Variants in GULP1 observed in about 807,000 individuals in gnomAD.
GULP1 encodes GULP PTB domain containing engulfment adaptor 1.
GULP1 carries 19 observed loss-of-function variants against 40.9 expected under a neutral mutation model. The observed-to-expected ratio is 0.46, with a 90% CI of 0.32 to 0.68. GULP1 has a LOEUF of 0.68. Ranked by LOEUF, GULP1 falls within the 30% of genes least tolerant of loss-of-function variation. The pLI is 0.03. For missense variants in GULP1, 312 were observed against 362.2 expected (o/e 0.86, Z 1.12); for synonymous variants, 119 against 117.6 (o/e 1.01, Z -0.08).
At chr2:188,352,614 TCTCTCA>T (rs1475585885) in intron 1 of GULP1, among the ~76,000 whole-genome samples, 1 of 60,354 alleles carries the variant, frequency 1.7e-5, no homozygotes, top group Non-Finnish European at 2.8e-5. Flanking sequence ...TCTCTCTCTC[TCTCTCA>T]CACACACACA....
chr2:188,532,186 G>A (rs565616755), intron 6 of GULP1, among the ~76,000 whole-genome samples: 55 of 152,062 alleles, frequency 3.6e-4, no homozygotes, highest in African/African-American at 1.2e-3. Context: ...ATTTCACTAC[G>A]TTCATATACC....
At chr2:188,541,588 T>C in intron 7 of GULP1, 1 of 557,594 alleles carries the variant, frequency 1.8e-6, no homozygotes, top group Admixed American at 3.3e-5. Flanking sequence ...ATGTTATGCA[T>C]GTATTTTATA....
intron 7 of GULP1, among the ~76,000 whole-genome samples, chr2:188,545,108 C>T (rs1691550779): frequency 6.6e-6 from 1 of 151,652 alleles, no homozygotes; most frequent in Admixed American, 6.6e-5. Context: ...AAAACAAAAG[C>T]CTGTCAAATG....
chr2:188,325,751 A>G lies in GULP1; in HGVS notation c.-172+33585A>G, dbSNP rs146115050. ...GTAACTCTCATGGGGCTTGACTAGG[A>G]TAGAATCACTAGCCAACCTTCTTAC... On this transcript the variant is annotated intron_variant, in intron 1 of 11. Transcript: ENST00000409830. 5.9e-3 allele frequency among the ~76,000 whole-genome samples: 904 copies of G among 152,220 alleles called. 6 individuals carry two copies. The highest frequency in any genetic ancestry group is 0.02 in the African/African-American group (843 of 41,564).
intron 1 of GULP1, among the ~76,000 whole-genome samples, chr2:188,328,924 T>A (rs1306578970): frequency 1.3e-5 from 2 of 152,176 alleles, no homozygotes; most frequent in Non-Finnish European, 2.9e-5. Flanking sequence ...TTCCACTTTT[T>A]AGAAGTCAGA....
chr2:188,313,842 T>C (rs1450078236), intron 1 of GULP1, among the ~76,000 whole-genome samples: 1 of 152,062 alleles, frequency 6.6e-6, no homozygotes, highest in Non-Finnish European at 1.5e-5. Flanking sequence ...AATTGGTATT[T>C]TATTGAGAAT....
chr2:188,443,684 T>C (rs1210115171), intron 2 of GULP1, among the ~76,000 whole-genome samples: 1 of 149,830 alleles, frequency 6.7e-6, no homozygotes, highest in Non-Finnish European at 1.5e-5. Flanking sequence ...AAAATGAATT[T>C]CTTTTCTTTT....
intron 2 of GULP1, among the ~76,000 whole-genome samples, chr2:188,429,657 A>G (rs1056007142): frequency 4.6e-5 from 7 of 152,086 alleles, no homozygotes; most frequent in African/African-American, 1.7e-4. Flanking sequence ...TTTTTAAATG[A>G]TGTTTAGTCT....
intron 2 of GULP1, among the ~76,000 whole-genome samples, chr2:188,457,833 CA>C (rs2059390702): frequency 6.6e-6 from 1 of 152,164 alleles, no homozygotes. Context: ...CCCACACATG[CA>C]TTCCCTCATA....
At chr2:188,355,725 A>G (rs1462487726) in intron 1 of GULP1, among the ~76,000 whole-genome samples, 2 of 152,084 alleles carry the variant, frequency 1.3e-5, no homozygotes, top group Non-Finnish European at 2.9e-5. Flanking sequence ...CAAAAAAGAA[A>G]ACTATAGGCC....
chr2:188,563,440 T>C (rs1019296176), intron 7 of GULP1, among the ~76,000 whole-genome samples: 6 of 150,710 alleles, frequency 4.0e-5, no homozygotes, highest in African/African-American at 1.5e-4. Flanking sequence ...ATTTACCAAA[T>C]TGACAGAAAA....
chr2:188,464,695 G>C (rs553405609), intron 2 of GULP1, among the ~76,000 whole-genome samples: 1 of 152,284 alleles, frequency 6.6e-6, no homozygotes, highest in African/African-American at 2.4e-5. Flanking sequence ...CTATTGTACT[G>C]TGGTTAAGCT....
chr2:188,395,915 A>C (rs2051188506), intron 2 of GULP1, among the ~76,000 whole-genome samples: 1 of 152,156 alleles, frequency 6.6e-6, no homozygotes, highest in Admixed American at 6.5e-5. Flanking sequence ...AAATAGCCTT[A>C]GTGTGTTGGC....
chr2:188,450,022 A>G (rs2058706928), intron 2 of GULP1, among the ~76,000 whole-genome samples: 1 of 152,192 alleles, frequency 6.6e-6, no homozygotes. Flanking sequence ...CAAATGCTTC[A>G]TACCTATGGT....
At chr2:188,460,517 T>C (rs1054270823) in intron 2 of GULP1, among the ~76,000 whole-genome samples, 7 of 152,134 alleles carry the variant, frequency 4.6e-5, no homozygotes, top group Admixed American at 3.9e-4. Context: ...ACTGAATTTG[T>C]TTATGAGTTC....
chr2:188,526,193 A>T (rs901733830), intron 5 of GULP1, among the ~76,000 whole-genome samples: 5 of 152,154 alleles, frequency 3.3e-5, no homozygotes, highest in African/African-American at 1.2e-4. Flanking sequence ...CTTTATTTCA[A>T]GTACTACTCC....
At chr2:188,405,695 C>A (rs964182712) in intron 2 of GULP1, among the ~76,000 whole-genome samples, 5 of 152,196 alleles carry the variant, frequency 3.3e-5, no homozygotes, top group African/African-American at 1.2e-4. Flanking sequence ...ACCAGGTCTG[C>A]CCATTGCATT....
At chr2:188,566,092 TTA>T (rs1161571619) in intron 7 of GULP1, among the ~76,000 whole-genome samples, 3 of 152,218 alleles carry the variant, frequency 2.0e-5, no homozygotes, top group South Asian at 4.2e-4. Flanking sequence ...AAGTTGGAGA[TTA>T]TATATCTTAT....
intron 1 of GULP1, among the ~76,000 whole-genome samples, chr2:188,341,399 G>A (rs1377683349): frequency 6.6e-6 from 1 of 152,042 alleles, no homozygotes; most frequent in Non-Finnish European, 1.5e-5. Context: ...ATCCACTCCT[G>A]TCATCCAATC....
Sources: allele counts gnomAD v4.1 joint callset (sites outside exome capture counted in the v4.1 genomes callset), GRCh38; gene constraint gnomAD v4.1.1; transcripts MANE v1.5; gene names NCBI Gene and HGNC (gene_info 2026-07-23, HGNC 2026-07-21).